The following SLCO2B1 variants were observed in gnomAD, a reference collection of about 807,000 sequenced individuals.
SLCO2B1 encodes the protein OATP-RP2.
A neutral mutation model predicts 67.3 loss-of-function variants in SLCO2B1; 41 were observed. The ratio of observed to expected loss-of-function variants is 0.61; its 90% confidence interval spans 0.47 to 0.79. The LOEUF is 0.79. Ranked by LOEUF, SLCO2B1 falls within the 30% of genes least tolerant of loss-of-function variation. The pLI is 0.00. For synonymous variants in SLCO2B1, 379 were observed against 381.4 expected, an observed-to-expected ratio of 0.99 and a Z score of 0.07; for missense variants, 837 against 920.1, an observed-to-expected ratio of 0.91 and a Z score of 1.17.
In SLCO2B1 at chr11:75,193,441, G is replaced by A. The variant is rs1257850841; in HGVS notation, c.1299G>A (p.Lys433=). The change falls in exon 9 of 14, where the codon AAG becomes AAA. Residue 433 remains lysine, a synonymous_variant. Coordinates refer to ENST00000289575, the MANE Select transcript of SLCO2B1 (RefSeq NM_007256.5). The surrounding 1 kb of genome is among the most constrained non-coding windows in gnomAD (Gnocchi z 4.2). ...TCGTGGTGGGTGGCGTCCTGGTCAA[G>A]CGGCTCCACCTGGGCCCTGTGGGAT... The part of the protein sequence containing the change: ...VGIVVGGVLV[K]RLHLGPVGCG... 1.2e-6 allele frequency: 2 copies of A among 1,613,652 alleles called. No homozygotes were observed. The highest frequency in any genetic ancestry group is 4.5e-5 in the East Asian group (2 of 44,884).
chr11:75,201,811 C>T (rs530685705), intron 11 of SLCO2B1: 3 of 152,330 alleles, frequency 2.0e-5, no homozygotes, highest in South Asian at 2.1e-4. Context: ...TTCAGCTATC[C>T]GGAAGCTCGC....
chr11:75,195,446 T>C (rs76821577), intron 9 of SLCO2B1, among the ~76,000 whole-genome samples: 13,257 of 152,068 alleles, frequency 0.087, 631 homozygotes, highest in Middle Eastern at 0.13. Context: ...AGGAAATATT[T>C]TGTGGCTGAT....
intron 10 of SLCO2B1, among the ~76,000 whole-genome samples, chr11:75,197,691 A>C (rs1181150430): frequency 6.6e-6 from 1 of 152,156 alleles, no homozygotes; most frequent in Non-Finnish European, 1.5e-5. Flanking sequence ...AGGATAGGAC[A>C]CAGAAGGCTA....
intron 7 of SLCO2B1, among the ~76,000 whole-genome samples, chr11:75,174,245 C>T (rs950788378): frequency 1.3e-5 from 2 of 152,164 alleles, no homozygotes; most frequent in African/African-American, 4.8e-5. Flanking sequence ...CATAGACAAT[C>T]ATAAATTAAG....
chr11:75,159,250 T>C (rs17133760), intron 1 of SLCO2B1, among the ~76,000 whole-genome samples: 5,105 of 152,292 alleles, frequency 0.034, 91 homozygotes, highest in African/African-American at 0.047. Context: ...CACAGACCCA[T>C]TGCGGGCCAG....
At chr11:75,164,770 C>T (rs995082061) in intron 3 of SLCO2B1, among the ~76,000 whole-genome samples, 2 of 152,204 alleles carry the variant, frequency 1.3e-5, no homozygotes, top group African/African-American at 4.8e-5. Flanking sequence ...CAACCCAAGG[C>T]CGTCCAGCTG....
At chr11:75,175,693 C>T (rs1950014788) in intron 7 of SLCO2B1, among the ~76,000 whole-genome samples, 1 of 152,008 alleles carries the variant, frequency 6.6e-6, no homozygotes, top group South Asian at 2.1e-4. Context: ...CTCTAAATGA[C>T]TCACTGTCTC....
rs1281712563 is a variant in SLCO2B1 at position 75,205,395 on chromosome 11, G to A, written c.*815G>A. 2 of 152,298 alleles carry A rather than the reference G, an allele frequency of 1.3e-5. No homozygotes were observed. The highest frequency in any genetic ancestry group is 2.4e-5 in the African/African-American group (1 of 41,470). 9.4% of individuals were successfully genotyped at this position (152,298 alleles called of 1,614,324 possible). ...CCCTGGGGTAGGGAGGGAGACTCAGGCCCACACTTGGGTATTTTCTAATTT... is the reference window on the plus strand; with the variant it reads ...CCCTGGGGTAGGGAGGGAGACTCAGACCCACACTTGGGTATTTTCTAATTT... On this transcript the variant is annotated 3_prime_UTR_variant, in exon 14 of 14. Transcript: ENST00000289575.
intron 1 of SLCO2B1, among the ~76,000 whole-genome samples, chr11:75,160,654 C>T (rs561538786): frequency 3.9e-5 from 6 of 152,332 alleles, no homozygotes; most frequent in South Asian, 4.1e-4. Context: ...CCCGTCTCCT[C>T]GTCAGGTGTC....
chr11:75,178,472 A>G (rs139341800), intron 7 of SLCO2B1, among the ~76,000 whole-genome samples: 5 of 152,296 alleles, frequency 3.3e-5, no homozygotes, highest in Admixed American at 2.6e-4. Flanking sequence ...TCCTTTTTAC[A>G]TGTTTTTTAA....
At chr11:75,203,746 G>A in intron 13 of SLCO2B1, 1 of 301,402 alleles carries the variant, frequency 3.3e-6, no homozygotes, top group Non-Finnish European at 6.3e-6. Context: ...AGGGACTTGG[G>A]GTGAAGGGCT....
At position 75,165,835 on chromosome 11, in the gene SLCO2B1, G is replaced by T. The variant is rs779220150; in HGVS notation, c.334G>T (p.Val112Leu). ...IVFVSYFGSRVHRPRMIGYGA... is the reference protein window; with the variant it reads ...IVFVSYFGSRLHRPRMIGYGA... ...GTTTGTGAGCTATTTTGGCAGCCGG[G>T]TGCACCGACCCCGAATGATTGGCTA... The change falls in exon 4 of 14, where the codon GTG becomes TTG. Residue 112 changes from valine (V) to leucine (L), a missense_variant. Coordinates refer to ENST00000289575, the MANE Select transcript of SLCO2B1 (RefSeq NM_007256.5). 11 of 1,614,180 alleles carry T rather than the reference G, an allele frequency of 6.8e-6. No homozygotes were observed. In the East Asian group the frequency reaches 2.5e-4, roughly 36 times the overall value.
At chr11:75,188,457 G>A (rs559403116) in intron 8 of SLCO2B1, among the ~76,000 whole-genome samples, 69 of 152,258 alleles carry the variant, frequency 4.5e-4, no homozygotes, top group Admixed American at 2.1e-3. Context: ...CAGGCATTGC[G>A]GCTCATGCCT....
chr11:75,172,682 C>A (rs1949977787), intron 7 of SLCO2B1, 113 bp downstream of exon 7: 4 of 983,998 alleles, frequency 4.1e-6, no homozygotes, highest in Non-Finnish European at 6.0e-6. Context: ...GTAGTTCCAG[C>A]ACTTTGGGAG....
chr11:75,174,442 T>A (rs545435584), intron 7 of SLCO2B1, among the ~76,000 whole-genome samples: 1 of 152,244 alleles, frequency 6.6e-6, no homozygotes, highest in South Asian at 2.1e-4. Flanking sequence ...AGCCGTGCAT[T>A]GGCAGTGAGG....
chr11:75,168,848 C>T (rs1949924054), intron 4 of SLCO2B1, among the ~76,000 whole-genome samples: 1 of 152,218 alleles, frequency 6.6e-6, no homozygotes, highest in African/African-American at 2.4e-5. Flanking sequence ...CCACCTTTGA[C>T]CACCCCGCCC....
At chr11:75,196,763 T>C (rs531326147) in intron 10 of SLCO2B1, 84 bp downstream of exon 10, 211 of 1,251,136 alleles carry the variant, frequency 1.7e-4, no homozygotes, top group Non-Finnish European at 2.3e-4. Flanking sequence ...TCTCCACTTC[T>C]GCATGCTCTC....
chr11:75,202,241 T>A (rs781444285), intron 11 of SLCO2B1: 7 of 151,910 alleles, frequency 4.6e-5, no homozygotes, highest in Non-Finnish European at 1.0e-4. Flanking sequence ...CAAGCTGGCC[T>A]GGGAGAGAAA....
chr11:75,174,668 G>A (rs1298554633), intron 7 of SLCO2B1, among the ~76,000 whole-genome samples: 1 of 152,218 alleles, frequency 6.6e-6, no homozygotes, highest in African/African-American at 2.4e-5. Flanking sequence ...CCTAGTTCAG[G>A]CCAAAGTTTC....
Sources: gnomAD v4.1 joint callset for allele counts (sites outside exome capture counted in the v4.1 genomes callset) on GRCh38, gnomAD v4.1.1 for gene constraint, Gnocchi (gnomAD v3.1) non-coding constraint, MANE v1.5 for transcripts, NCBI Gene and HGNC (gene_info 2026-07-23, HGNC 2026-07-21) for gene names.